The following RPH3A variants were observed in gnomAD, a reference collection of about 807,000 sequenced individuals.
RPH3A encodes rabphilin-3A.
Under a neutral mutation model 102.2 loss-of-function variants are expected in RPH3A, and 48 were observed. That is an observed-to-expected ratio of 0.47 (90% CI 0.37 to 0.60). The LOEUF (loss-of-function observed/expected upper bound fraction) is 0.60. Ranked by LOEUF, RPH3A falls within the 20% of genes least tolerant of loss-of-function variation. The probability of loss-of-function intolerance (pLI) is 0.00; values close to 1 mark genes in which losing one functional copy is unlikely to be tolerated. For synonymous variants in RPH3A, 310 were observed against 324.3 expected (o/e 0.96, Z 0.47); for missense variants, 781 against 910.1 (o/e 0.86, Z 1.83).
chr12:112,587,809 A>G lies in RPH3A; in HGVS notation c.-140+12490A>G, dbSNP rs75569260. Among the ~76,000 whole-genome samples, 787 of 152,320 alleles carry G rather than the reference A, an allele frequency of 5.2e-3. 12 individuals carry two copies. The South Asian group carries it at 0.06, about 12-fold the overall frequency. On this transcript the variant is annotated intron_variant, in intron 1 of 21. Coordinates refer to the RPH3A transcript ENST00000543106. ...GGAAAATTTACGGCACATCTGTTGA[A>G]TGAATGAGTGGGTGCATGGTGGGGC...
intron 4 of RPH3A, among the ~76,000 whole-genome samples, chr12:112,842,156 T>G (rs1360381065): frequency 6.6e-6 from 1 of 152,248 alleles, no homozygotes; most frequent in Non-Finnish European, 1.5e-5. Context: ...TTCTATTCAT[T>G]CATTCTTTCT....
rs868758028 is a variant in RPH3A, at chr12:112,868,721, G to A, written c.610+126G>A. On this transcript the variant is annotated intron_variant, in intron 8 of 21. Transcript: ENST00000389385. ...TGTTGCATGGTCAGCTTCTGCACTT[G>A]GGTCTAGGACTCCTATATCTCCTTC... The A allele has an allele frequency of 2.9e-5, 30 of 1,026,036 alleles. No homozygotes were observed. The African/African-American group carries it at 4.5e-4, about 15-fold the overall frequency. The allele number at this position is 1,026,036 out of a possible 1,614,324, so 63.6% of individuals were successfully genotyped here.
chr12:112,800,522 T>C lies in RPH3A; in HGVS notation c.-19+8259T>C, dbSNP rs541047930. Among the ~76,000 whole-genome samples, 4 of 152,274 alleles carry C rather than the reference T, an allele frequency of 2.6e-5. No homozygotes were observed. The South Asian group carries it at 8.3e-4, about 32-fold the overall frequency. ...CAGGGAGCGTTTTATGCTAGAGTGATGTGACCTAATTTACAATGTTAGTAA... is the reference window on the plus strand; with the variant it reads ...CAGGGAGCGTTTTATGCTAGAGTGACGTGACCTAATTTACAATGTTAGTAA... On this transcript the variant is annotated intron_variant, in intron 2 of 21. Transcript: ENST00000389385.
At chr12:112,886,007 G>A (rs1416850117) in intron 16 of RPH3A, among the ~76,000 whole-genome samples, 4 of 152,176 alleles carry the variant, frequency 2.6e-5, no homozygotes, top group Admixed American at 2.6e-4. Flanking sequence ...CCCTGAAGAA[G>A]GATGATATTG....
chr12:112,890,711 A>G lies in RPH3A; in HGVS notation c.1621-138A>G. 3.3e-6 allele frequency: 3 copies of G among 900,258 alleles called. No individual in the cohort carries two copies. The South Asian group carries it at 5.3e-5, about 16-fold the overall frequency. 55.8% of individuals were successfully genotyped at this position (900,258 alleles called of 1,614,324 possible). A position where few individuals can be genotyped will look rare whatever the true frequency, so the allele number is the denominator to read the frequency against. On this transcript the variant is annotated intron_variant, in intron 18 of 21. Transcript: ENST00000389385. ...TTGGCTCCTCTTTGGAGGCTAAGCC[A>G]TCTGCTGTCCCTGGTACTGGCTCCC... is the stretch of plus-strand genomic sequence containing the variant.
intron 1 of RPH3A, among the ~76,000 whole-genome samples, chr12:112,710,596 G>C (rs980730729): frequency 6.6e-6 from 1 of 152,194 alleles, no homozygotes; most frequent in African/African-American, 2.4e-5. Flanking sequence ...AAAAGCAAGA[G>C]CTTCCCTAGT....
At chr12:112,678,257 GAAAGAAAGA>G (rs2040196538) in intron 1 of RPH3A, among the ~76,000 whole-genome samples, 2 of 49,036 alleles carry the variant, frequency 4.1e-5, no homozygotes, top group Admixed American at 3.4e-4. Context: ...AAGAAAGAAA[GAAAGAAAGA>G]AAGAAAGAAA....
intron 1 of RPH3A, among the ~76,000 whole-genome samples, chr12:112,712,925 CTCTTCTTCTTCTTCTTCTTCT>C (rs529826755): frequency 1.1e-5 from 1 of 94,528 alleles, no homozygotes; most frequent in South Asian, 4.5e-4. Flanking sequence ...CTTCTTCTTC[CTCTTCTTCTTCTTCTTCTTCT>C]TCTTCTTCTT....
At chr12:112,678,180 G>A (rs563739245) in intron 1 of RPH3A, among the ~76,000 whole-genome samples, 8 of 150,334 alleles carry the variant, frequency 5.3e-5, no homozygotes, top group Admixed American at 2.0e-4. Context: ...CTGGGCAACA[G>A]AGCAAGACCC....
Position 112,879,110 on chromosome 12 carries a change from C to A in RPH3A, c.1172-9C>A, listed in dbSNP as rs550407075. On this transcript the variant is annotated splice_polypyrimidine_tract_variant and intron_variant, in intron 13 of 21. Coordinates refer to ENST00000389385, the MANE Select transcript of RPH3A (RefSeq NM_001143854.2). ...TCGTTATCTTGGTTCCTGTCTCTGC[C>A]CCCTTCAGCCACCCTGGGTGCCCTG... 203 of 1,612,588 alleles carry A rather than the reference C, an allele frequency of 1.3e-4. 4 individuals are homozygous for A. The South Asian group carries it at 2.2e-3, about 18-fold the overall frequency.
chr12:112,713,100 C>CTTCTTCTT (rs2040491115), intron 1 of RPH3A, among the ~76,000 whole-genome samples: 1 of 91,166 alleles, frequency 1.1e-5, no homozygotes, highest in Non-Finnish European at 2.5e-5. Flanking sequence ...TCTTCTTCTT[C>CTTCTTCTT]TTTTATTTTT....
intron 1 of RPH3A, among the ~76,000 whole-genome samples, chr12:112,676,762 T>C (rs909167829): frequency 6.6e-6 from 1 of 152,192 alleles, no homozygotes; most frequent in Admixed American, 6.5e-5. Flanking sequence ...GCAGTGCTAA[T>C]GACAGCTGGA....
At chr12:112,888,359 G>A (rs1003453877) in intron 17 of RPH3A, among the ~76,000 whole-genome samples, 1 of 152,266 alleles carries the variant, frequency 6.6e-6, no homozygotes, top group Non-Finnish European at 1.5e-5. Flanking sequence ...AGAACTTAAT[G>A]CATAGTAAGC....
intron 1 of RPH3A, among the ~76,000 whole-genome samples, chr12:112,763,323 C>A (rs180753126): frequency 6.6e-6 from 1 of 152,346 alleles, no homozygotes; most frequent in African/African-American, 2.4e-5. Context: ...ATATGAGTGA[C>A]CAATGTCCCA....
rs549787722 is a variant in RPH3A at position 112,896,854 on chromosome 12, C to G, written c.*74C>G. The G allele has an allele frequency of 2.8e-4, 428 of 1,553,922 alleles. 5 individuals carry two copies. In the East Asian group the frequency reaches 9.6e-3, roughly 35 times the overall value. On this transcript the variant is annotated 3_prime_UTR_variant, in exon 22 of 22. Coordinates refer to ENST00000389385, the MANE Select transcript of RPH3A (RefSeq NM_001143854.2). ...CTCTAGCTGCCCACCGCACCCTGAT[C>G]TCTCTTCTCTATGCCTACCTCCCCC...
Position 112,798,323 on chromosome 12 carries a change from C to T in RPH3A, c.-19+6060C>T, listed in dbSNP as rs183490604. 2.5e-3 allele frequency among the ~76,000 whole-genome samples: 382 copies of T among 152,200 alleles called. 2 individuals carry two copies. Among genetic ancestry groups the T allele is most frequent in the African/African-American group, 8.9e-3 (368 of 41,516 alleles). ...GTTCATGAAGGATTTATTTAGAGAG[C>T]GAGGGGGGGAAATATCTTCTCATCT... On this transcript the variant is annotated intron_variant, in intron 2 of 21. Transcript: ENST00000389385.
intron 1 of RPH3A, among the ~76,000 whole-genome samples, chr12:112,776,873 C>CAAAAAAAAAAAAAAAAAA (rs548377186): frequency 4.1e-5 from 3 of 73,920 alleles, no homozygotes; most frequent in Non-Finnish European, 7.5e-5. Context: ...GACTCCATCT[C>CAAAAAAAAAAAAAAAAAA]AAAAAAAAAA....
Position 112,791,795 on chromosome 12 carries a change from T to C in RPH3A, c.-357T>C, listed in dbSNP as rs2041107457. On this transcript the variant is annotated 5_prime_UTR_variant, in exon 1 of 22. Transcript: ENST00000389385. ...TGGCAGCCGCGGCAGAAACTGGCTC[T>C]GGGGAAGCAATTGATTCGTCTACTG... 6.7e-6 allele frequency: 1 copy of C among 148,622 alleles called. No individual in the cohort carries two copies. 9.2% of individuals were successfully genotyped at this position (148,622 alleles called of 1,614,324 possible).
At chr12:112,650,657 T>C (rs911160230) in intron 1 of RPH3A, 10 of 152,308 alleles carry the variant, frequency 6.6e-5, no homozygotes, top group Admixed American at 1.3e-4. Context: ...TGCTGCATTC[T>C]AGTTTCTAGA....
Sources: gnomAD v4.1 joint callset for allele counts (sites outside exome capture counted in the v4.1 genomes callset) on GRCh38, gnomAD v4.1.1 for gene constraint, MANE v1.5 for transcripts, NCBI Gene and HGNC (gene_info 2026-07-23, HGNC 2026-07-21) for gene names.